DST: variants seen among roughly 807,000 people sequenced by gnomAD.
The protein encoded by DST is dystonin, also known as bullous pemphigoid antigen.
A neutral mutation model predicts 875.2 loss-of-function variants in DST; 253 were observed. The ratio of observed to expected loss-of-function variants is 0.29; its 90% confidence interval spans 0.26 to 0.32. DST has a LOEUF of 0.32. Among genes scored for constraint, DST ranks in the 10% least tolerant of loss-of-function variants. The probability of loss-of-function intolerance (pLI) is 1.00; values close to 1 mark genes in which losing one functional copy is unlikely to be tolerated. For synonymous variants in DST, 3,124 were observed against 3,197.1 expected (o/e 0.98, Z 0.77); for missense variants, 8,287 against 9,111.6 (o/e 0.91, Z 3.68).
chr6:56,629,198 C>A (rs888910398), intron 32 of DST, 52 bp downstream of exon 32: 2 of 1,571,176 alleles, frequency 1.3e-6, no homozygotes, highest in Non-Finnish European at 1.8e-6. Flanking sequence ...TACTCATTTA[C>A]CATAGATAGA....
intron 2 of DST, among the ~76,000 whole-genome samples, chr6:56,912,786 T>C (rs1414182313): frequency 6.6e-6 from 1 of 152,216 alleles, no homozygotes; most frequent in Non-Finnish European, 1.5e-5. Context: ...ATTGTGTGCA[T>C]GGTTTCAGTA....
At chr6:56,583,679 T>C (rs2098078452) in intron 49 of DST, among the ~76,000 whole-genome samples, 1 of 152,248 alleles carries the variant, frequency 6.6e-6, no homozygotes, top group Admixed American at 6.5e-5. Flanking sequence ...CCCATGCCTA[T>C]GTCCTGAATG....
chr6:56,501,769 T>C, intron 78 of DST, 76 bp from the exon 79 acceptor site: 1 of 1,129,862 alleles, frequency 8.9e-7, no homozygotes, highest in Admixed American at 2.7e-5. Context: ...ATTGGTTATA[T>C]CATTATTCTA....
chr6:56,513,812 A>T (rs1431081644), intron 72 of DST, among the ~76,000 whole-genome samples: 1 of 152,230 alleles, frequency 6.6e-6, no homozygotes, highest in Non-Finnish European at 1.5e-5. Context: ...TTCTTGGCAC[A>T]TGCTGTCATA....
intron 30 of DST, 33 bp downstream of exon 30, chr6:56,631,178 A>G (rs748270094): frequency 1.4e-5 from 18 of 1,275,678 alleles, no homozygotes; most frequent in Non-Finnish European, 1.9e-5. Context: ...AGTTGTATGA[A>G]GCAATTTATA....
chr6:56,831,545 T>C (rs1291063511), intron 4 of DST, among the ~76,000 whole-genome samples: 1 of 152,048 alleles, frequency 6.6e-6, no homozygotes, highest in Non-Finnish European at 1.5e-5. Flanking sequence ...CCCTGGATGC[T>C]CGTATCACTC....
chr6:56,783,505 T>C (rs1033936405), intron 4 of DST, among the ~76,000 whole-genome samples: 2 of 152,202 alleles, frequency 1.3e-5, no homozygotes, highest in Non-Finnish European at 2.9e-5. Flanking sequence ...TTTTGATCTT[T>C]GTTGGTTTAA....
At chr6:56,808,001 T>C (rs2099755203) in intron 4 of DST, among the ~76,000 whole-genome samples, 2 of 152,220 alleles carry the variant, frequency 1.3e-5, no homozygotes, top group Admixed American at 1.3e-4. Flanking sequence ...TAGTCTTCTA[T>C]CCAACATGAA....
intron 2 of DST, among the ~76,000 whole-genome samples, chr6:56,943,727 C>T (rs1362432970): frequency 6.6e-6 from 1 of 151,924 alleles, no homozygotes; most frequent in African/African-American, 2.4e-5. Flanking sequence ...GCCACCGCGC[C>T]CAGCCAATTT....
intron 85 of DST, among the ~76,000 whole-genome samples, chr6:56,490,434 A>C (rs939129673): frequency 1.3e-5 from 2 of 152,202 alleles, no homozygotes; most frequent in African/African-American, 4.8e-5. Context: ...CAAAAAATTT[A>C]GTAATCAAAA....
At chr6:56,560,524 A>C (rs1419552166) in intron 57 of DST, 101 bp from the exon 58 acceptor site, 1 of 1,274,924 alleles carries the variant, frequency 7.8e-7, no homozygotes, top group Non-Finnish European at 1.1e-6. Context: ...AAAGAGGAAA[A>C]AATCTACTGT....
chr6:56,654,605 T>G (rs2098995347), intron 10 of DST, among the ~76,000 whole-genome samples: 1 of 149,964 alleles, frequency 6.7e-6, no homozygotes, highest in Non-Finnish European at 1.5e-5. Flanking sequence ...TATATATATA[T>G]CTCCACACGT....
Position 56,535,384 on chromosome 6 carries a change from G to A in DST, c.16771-92C>T, listed in dbSNP as rs545180534. On this transcript the variant is annotated intron_variant, in intron 62 of 103. Coordinates refer to ENST00000680361, the MANE Select transcript of DST (RefSeq NM_001374736.1). Reference sequence around the variant, plus strand: ...CACTATTTTACATGCTTATTTTCCCGTGTGGTCACAAATTTTCTTTTACTT... The same window carrying A: ...CACTATTTTACATGCTTATTTTCCCATGTGGTCACAAATTTTCTTTTACTT... 7.1e-5 allele frequency: 97 copies of A among 1,368,108 alleles called. No homozygotes were observed. The Middle Eastern group carries it at 2.2e-3, about 31-fold the overall frequency. The allele number at this position is 1,368,108 out of a possible 1,614,324, so 84.7% of individuals were successfully genotyped here. A position where few individuals can be genotyped will look rare whatever the true frequency, so the allele number is the denominator to read the frequency against.
At chr6:56,828,019 C>T (rs934869756) in intron 4 of DST, among the ~76,000 whole-genome samples, 9 of 152,172 alleles carry the variant, frequency 5.9e-5, no homozygotes, top group African/African-American at 2.2e-4. Context: ...TCCACTGATG[C>T]TCCTACTCTC....
In DST at chr6:56,458,795, C is replaced by T; in HGVS notation, c.*210G>A. On this transcript the variant is annotated 3_prime_UTR_variant, in exon 104 of 104. Coordinates refer to ENST00000680361, the MANE Select transcript of DST (RefSeq NM_001374736.1). ...AATGTTAGTTCATGTTAAACTTTTC[C>T]TCCTCACATATGATGTGACTTTAAC... 2.1e-6 allele frequency: 1 copy of T among 487,668 alleles called. No homozygotes were observed. The allele number at this position is 487,668 out of a possible 1,614,324, so 30.2% of individuals were successfully genotyped here. A position where few individuals can be genotyped will look rare whatever the true frequency, so the allele number is the denominator to read the frequency against.
chr6:56,476,849 G>A (rs1240448094), intron 91 of DST, among the ~76,000 whole-genome samples: 1 of 152,118 alleles, frequency 6.6e-6, no homozygotes, highest in Non-Finnish European at 1.5e-5. Flanking sequence ...CTACTCGGGA[G>A]GCTGAGGCAG....
chr6:56,625,375 G>C, intron 34 of DST, 111 bp from the exon 35 acceptor site: 1 of 751,462 alleles, frequency 1.3e-6, no homozygotes, highest in Non-Finnish European at 2.4e-6. Flanking sequence ...AATAACTTTA[G>C]TGATTTGACA....
At chr6:56,460,286 A>T in intron 102 of DST, 32 bp from the exon 103 acceptor site, 1 of 1,613,266 alleles carries the variant, frequency 6.2e-7, no homozygotes, top group Non-Finnish European at 8.5e-7. Context: ...ACATTTCAAA[A>T]TATTGCTCCT....
chr6:56,827,342 C>T (rs2099781839), intron 4 of DST, among the ~76,000 whole-genome samples: 2 of 151,712 alleles, frequency 1.3e-5, no homozygotes, highest in African/African-American at 2.4e-5. Flanking sequence ...GGTGAAACCC[C>T]GTCTCTACTA....
Sources: allele counts gnomAD v4.1 joint callset (sites outside exome capture counted in the v4.1 genomes callset), GRCh38; gene constraint gnomAD v4.1.1; transcripts MANE v1.5; gene names NCBI Gene and HGNC (gene_info 2026-07-23, HGNC 2026-07-21).